The following ZMYM4 variants were observed in gnomAD, a reference collection of about 807,000 sequenced individuals.
ZMYM4 encodes the protein zinc finger MYM-type protein 4.
A neutral mutation model predicts 183.2 loss-of-function variants in ZMYM4; 31 were observed. That is an observed-to-expected ratio of 0.17 (90% CI 0.13 to 0.23). The LOEUF is 0.23. Ranked by LOEUF, ZMYM4 falls within the 10% of genes least tolerant of loss-of-function variation. The pLI is 1.00. For missense variants in ZMYM4, 1,273 were observed against 1,840.3 expected (o/e 0.69, Z 5.64); for synonymous variants, 592 against 631.2 (o/e 0.94, Z 0.93).
intron 1 of ZMYM4, among the ~76,000 whole-genome samples, chr1:35,308,502 C>G (rs1338863081): frequency 1.3e-5 from 2 of 152,128 alleles, no homozygotes; most frequent in African/African-American, 2.4e-5. Context: ...CCCTAGTCGC[C>G]TGAACTAGTC....
intron 1 of ZMYM4, among the ~76,000 whole-genome samples, chr1:35,321,816 T>A (rs1009576017): frequency 2.0e-5 from 3 of 152,118 alleles, no homozygotes; most frequent in Non-Finnish European, 2.9e-5. Context: ...AATTAAATTT[T>A]AAAAAATTAA....
At chr1:35,369,963 T>G in intron 5 of ZMYM4, 66 bp from the exon 6 acceptor site, 1 of 1,169,654 alleles carries the variant, frequency 8.5e-7, no homozygotes, top group Non-Finnish European at 1.2e-6. Flanking sequence ...ATGTCTTGAA[T>G]GTCTGGATGT....
chr1:35,317,115 T>G (rs1310674672), intron 1 of ZMYM4, among the ~76,000 whole-genome samples: 2 of 140,076 alleles, frequency 1.4e-5, no homozygotes, highest in African/African-American at 2.7e-5. Flanking sequence ...AGAGCGAGAC[T>G]TCATCTCAAA....
intron 1 of ZMYM4, among the ~76,000 whole-genome samples, chr1:35,299,039 T>G (rs1426467784): frequency 6.6e-6 from 1 of 151,902 alleles, no homozygotes; most frequent in African/African-American, 2.4e-5. Context: ...AAGTTTTTTT[T>G]TTTTTTTTTT....
At chr1:35,396,408 T>C (rs1232609892) in intron 18 of ZMYM4, 144 bp from the exon 19 acceptor site, 2 of 1,158,520 alleles carry the variant, frequency 1.7e-6, no homozygotes, top group Non-Finnish European at 2.4e-6. Flanking sequence ...ACTTTAGTTA[T>C]TTCTCCTTTG....
Position 35,420,642 on chromosome 1 carries a change from C to T in ZMYM4, c.*965C>T, listed in dbSNP as rs970516333. 1 of 152,564 alleles carries T rather than the reference C, an allele frequency of 6.6e-6. No homozygotes were observed. Among genetic ancestry groups the T allele is most frequent in the Non-Finnish European group, 1.5e-5 (1 of 68,040 alleles). 9.5% of individuals were successfully genotyped at this position (152,564 alleles called of 1,614,324 possible). A position where few individuals can be genotyped will look rare whatever the true frequency, so the allele number is the denominator to read the frequency against. On this transcript the variant is annotated 3_prime_UTR_variant, in exon 30 of 30. Coordinates refer to ENST00000314607, the MANE Select transcript of ZMYM4 (RefSeq NM_005095.3). ...ACAGTTCCTCTTATTTTGTCTTTTG[C>T]ACCAGTTTCTGGAGGCCCTTGTCAT...
chr1:35,314,844 G>A (rs940460101), intron 1 of ZMYM4, among the ~76,000 whole-genome samples: 1 of 150,826 alleles, frequency 6.6e-6, no homozygotes, highest in Non-Finnish European at 1.5e-5. Context: ...GGCCAACATG[G>A]TGAAACCCTG....
chr1:35,360,810 T>A (rs1479695820), intron 3 of ZMYM4, among the ~76,000 whole-genome samples: 1 of 152,012 alleles, frequency 6.6e-6, no homozygotes, highest in Admixed American at 6.6e-5. Context: ...GAAGGTTTTA[T>A]AGAGGAGAGG....
chr1:35,282,980 G>GTTTTTTTTTTTTT lies in ZMYM4; in HGVS notation c.39+13919_39+13931dup, dbSNP rs775211352. Among the ~76,000 whole-genome samples, 16 of 26,260 alleles carry GTTTTTTTTTTTTT rather than the reference G, an allele frequency of 6.1e-4. 5 individuals carry two copies. Among genetic ancestry groups the GTTTTTTTTTTTTT allele is most frequent in the Non-Finnish European group, 1.0e-3 (9 of 8,634 alleles). The allele number at this position is 26,260 out of a possible 152,430, so 17.2% of individuals were successfully genotyped here. A position where few individuals can be genotyped will look rare whatever the true frequency, so the allele number is the denominator to read the frequency against. On this transcript the variant is annotated intron_variant, in intron 1 of 29. Transcript: ENST00000314607. ...ATACTTGTTGTTTTCTGTGTGTGTG[G>GTTTTTTTTTTTTT]TTTTTTTTTTTTTTTTTTTTTTTTT...
chr1:35,386,964 A>C, intron 11 of ZMYM4, 39 bp from the exon 12 acceptor site: 1 of 1,587,600 alleles, frequency 6.3e-7, no homozygotes, highest in Non-Finnish European at 8.6e-7. Context: ...TGTTTTAACA[A>C]AGATTAAATT....
chr1:35,336,907 A>G (rs1303016730), intron 2 of ZMYM4, among the ~76,000 whole-genome samples: 2 of 152,144 alleles, frequency 1.3e-5, no homozygotes, highest in Admixed American at 1.3e-4. Context: ...TGTGACAGCG[A>G]GTGAATTCTC....
chr1:35,279,383 C>T (rs747292610), intron 1 of ZMYM4, among the ~76,000 whole-genome samples: 15 of 152,192 alleles, frequency 9.9e-5, no homozygotes, highest in Non-Finnish European at 2.1e-4. Context: ...GGATTCTTCA[C>T]AGTTCCTTAC....
At chr1:35,344,245 G>T (rs778326003) in intron 2 of ZMYM4, among the ~76,000 whole-genome samples, 3 of 151,832 alleles carry the variant, frequency 2.0e-5, no homozygotes, top group African/African-American at 4.8e-5. Flanking sequence ...GTAGAGATGG[G>T]GTTTCTCCAT....
intron 1 of ZMYM4, among the ~76,000 whole-genome samples, chr1:35,311,031 T>G (rs1641772138): frequency 6.6e-6 from 1 of 152,096 alleles, no homozygotes; most frequent in African/African-American, 2.4e-5. Context: ...ATTTTTGGGG[T>G]GCTTTCTTTT....
chr1:35,390,271 T>C (rs1644675371), intron 15 of ZMYM4, among the ~76,000 whole-genome samples, 173 bp downstream of exon 15: 2 of 152,166 alleles, frequency 1.3e-5, no homozygotes, highest in African/African-American at 4.8e-5. Context: ...TATTTCACTG[T>C]CGTCCGTGTG....
At chr1:35,415,088 T>A (rs1358841789) in intron 27 of ZMYM4, among the ~76,000 whole-genome samples, 1 of 152,170 alleles carries the variant, frequency 6.6e-6, no homozygotes. Flanking sequence ...AAATAAATTT[T>A]ACTGGCATAT....
chr1:35,342,748 G>A (rs1215985968), intron 2 of ZMYM4, among the ~76,000 whole-genome samples: 1 of 151,980 alleles, frequency 6.6e-6, no homozygotes, highest in Non-Finnish European at 1.5e-5. Context: ...ATGGCTCACT[G>A]CAACCTCAAT....
chr1:35,360,878 G>A (rs1643919981), intron 3 of ZMYM4, among the ~76,000 whole-genome samples: 1 of 151,838 alleles, frequency 6.6e-6, no homozygotes, highest in African/African-American at 2.4e-5. Context: ...TAGACAGAGG[G>A]GACTTGGAAT....
intron 2 of ZMYM4, among the ~76,000 whole-genome samples, chr1:35,327,689 A>G (rs140947615): frequency 0.019 from 2,822 of 152,338 alleles, 80 homozygotes; most frequent in African/African-American, 0.063. Context: ...TTTTAGATAT[A>G]TACTAGGATA....
Sources: allele counts gnomAD v4.1 joint callset (sites outside exome capture counted in the v4.1 genomes callset), GRCh38; gene constraint gnomAD v4.1.1; transcripts MANE v1.5; gene names NCBI Gene and HGNC (gene_info 2026-07-23, HGNC 2026-07-21).